DGKG: variants seen among roughly 807,000 people sequenced by gnomAD.
The protein encoded by DGKG is diacylglycerol kinase gamma.
A neutral mutation model predicts 105.3 loss-of-function variants in DGKG; 78 were observed. That is an observed-to-expected ratio of 0.74 (90% CI 0.62 to 0.89). The LOEUF (loss-of-function observed/expected upper bound fraction) is 0.89, where lower values mean the gene tolerates loss of function less well. Among genes scored for constraint, DGKG ranks in the 40% least tolerant of loss-of-function variants. The pLI is 0.00. For synonymous variants in DGKG, 346 were observed against 367.1 expected (o/e 0.94, Z 0.66); for missense variants, 958 against 1,020.1 (o/e 0.94, Z 0.83).
At position 186,268,906 on chromosome 3, in the gene DGKG, G is replaced by T. The variant is rs369331390; in HGVS notation, c.1011C>A (p.His337Gln). Reference protein sequence around the residue: ...KAKRSGEVMQHAWVEGNSSVK... With the variant: ...KAKRSGEVMQQAWVEGNSSVK... ...CGGAGGAGTTCCCTTCCACCCATGC[G>T]TGCTGCATCACCTGCGGGAGGGAAG... The change falls in exon 12 of 25, where the codon CAC (histidine) becomes CAA (glutamine). Residue 337 changes from histidine (H) to glutamine (Q), a missense_variant. Around this residue, in one of 2 missense-constraint regions of DGKG, gnomAD observed 643 missense variants for 619.5 expected, o/e 1.04. Transcript: ENST00000265022. The T allele has an allele frequency of 6.2e-7, 1 of 1,612,992 alleles. No homozygotes were observed. Among genetic ancestry groups the T allele is most frequent in the South Asian group, 1.1e-5 (1 of 91,060 alleles).
At chr3:186,228,374 A>T (rs985247083) in intron 20 of DGKG, among the ~76,000 whole-genome samples, 4 of 152,182 alleles carry the variant, frequency 2.6e-5, no homozygotes, top group East Asian at 1.9e-4. Context: ...CTAACACTTC[A>T]GCAAGGTTCA....
At chr3:186,302,527 T>C (rs1232194145) in intron 3 of DGKG, among the ~76,000 whole-genome samples, 2,130 of 99,774 alleles carry the variant, frequency 0.021, 122 homozygotes, top group African/African-American at 0.1. Context: ...TATATATATA[T>C]ATATACATAT....
rs556574601 is a variant in DGKG at position 186,215,151 on chromosome 3, C to T, written c.1827-3266G>A. Among the ~76,000 whole-genome samples, 14 of 152,322 alleles carry T rather than the reference C, an allele frequency of 9.2e-5. No homozygotes were observed. In the East Asian group the frequency reaches 1.4e-3, roughly 15 times the overall value. ...TCTGGTGGGGCGCGACGGCTCACGC[C>T]TGTCATCCCAGCGCTTTGGGAGGCA... On this transcript the variant is annotated intron_variant, in intron 20 of 24. Transcript: ENST00000265022.
intron 20 of DGKG, among the ~76,000 whole-genome samples, chr3:186,235,553 G>C (rs1246605120): frequency 6.6e-6 from 1 of 152,198 alleles, no homozygotes; most frequent in South Asian, 2.1e-4. Flanking sequence ...CTACCTCACA[G>C]GGCGCCAGGA....
At chr3:186,350,408 T>A (rs1379990334) in intron 1 of DGKG, among the ~76,000 whole-genome samples, 1 of 152,250 alleles carries the variant, frequency 6.6e-6, no homozygotes, top group Non-Finnish European at 1.5e-5. Context: ...TGTTGCAGTA[T>A]GTGTCAGAAT....
chr3:186,159,820 G>A (rs1446145911), intron 24 of DGKG: 1 of 152,208 alleles, frequency 6.6e-6, no homozygotes, highest in Admixed American at 6.5e-5. Flanking sequence ...GGGCCTTTAA[G>A]GAGGTAATAA....
intron 22 of DGKG, among the ~76,000 whole-genome samples, chr3:186,165,448 A>C (rs1237188164): frequency 6.6e-6 from 1 of 152,242 alleles, no homozygotes; most frequent in Non-Finnish European, 1.5e-5. Flanking sequence ...ATGTCTGAAT[A>C]ACATTTGGCC....
In DGKG at chr3:186,279,876, A is replaced by G; in HGVS notation, c.767T>C (p.Leu256Pro). 1 of 1,613,986 alleles carries G rather than the reference A, an allele frequency of 6.2e-7. No homozygotes were observed. The highest frequency in any genetic ancestry group is 8.5e-7 in the Non-Finnish European group (1 of 1,179,932). The change falls in exon 9 of 25, where the codon CTG (leucine) becomes CCG (proline). Residue 256 changes from leucine to proline, a missense_variant. By Grantham distance (98) the Leu-to-Pro change is moderately conservative. Around this residue, in one of 2 missense-constraint regions of DGKG, gnomAD observed 643 missense variants for 619.5 expected, o/e 1.04. Coordinates refer to ENST00000265022, the MANE Select transcript of DGKG (RefSeq NM_001346.3). ...AGAGTCATCCATCCCCAGGAGGACC[A>G]GCAATGGGATGGTGGTCATCCCTCC... ...VHGGMTTIPL[L>P]VLLGMDDSGS...
intron 22 of DGKG, among the ~76,000 whole-genome samples, chr3:186,178,368 G>T (rs1717193368): frequency 6.6e-6 from 1 of 151,910 alleles, no homozygotes; most frequent in Non-Finnish European, 1.5e-5. Flanking sequence ...TATGAATTCT[G>T]CAGGGGAACA....
chr3:186,303,440 CTTAAAGAGAGTGTG>C (rs1724072906), intron 3 of DGKG, among the ~76,000 whole-genome samples: 1 of 152,192 alleles, frequency 6.6e-6, no homozygotes, highest in South Asian at 2.1e-4. Context: ...CTGCAACACA[CTTAAAGAGAGTGTG>C]TTAATCCTTA....
At chr3:186,311,408 A>G (rs1724536735) in intron 2 of DGKG, among the ~76,000 whole-genome samples, 1 of 152,186 alleles carries the variant, frequency 6.6e-6, no homozygotes, top group South Asian at 2.1e-4. Flanking sequence ...TCTACCCAAC[A>G]GGTCAACTTG....
In DGKG at chr3:186,148,550, T is replaced by C; in HGVS notation, c.*1540A>G. ...AACCTGGATCCAAGTGGACTCACTT[T>C]TCAGTGACCAGAAATGACCCTACTC... On this transcript the variant is annotated 3_prime_UTR_variant, in exon 25 of 25. Coordinates refer to ENST00000265022, the MANE Select transcript of DGKG (RefSeq NM_001346.3). The C allele has an allele frequency of 1.0e-6, 1 of 985,444 alleles. No homozygotes were observed. Among genetic ancestry groups the C allele is most frequent in the Non-Finnish European group, 1.2e-6 (1 of 829,930 alleles). The allele number at this position is 985,444 out of a possible 1,614,324, so 61.0% of individuals were successfully genotyped here.
intron 3 of DGKG, 65 bp from the exon 4 acceptor site, chr3:186,298,294 G>A (rs1438678534): frequency 6.8e-7 from 1 of 1,468,572 alleles, no homozygotes; most frequent in Non-Finnish European, 9.1e-7. Context: ...AAGAGAGAAG[G>A]AAAAGGAATA....
rs1427759293 is a variant in DGKG, at chr3:186,288,729, C to T, written c.525G>A (p.Arg175=). Residue 175 remains arginine (R), a synonymous_variant, in exon 6 of 25, where the codon AGG becomes AGA. Coordinates refer to ENST00000265022, the MANE Select transcript of DGKG (RefSeq NM_001346.3). ...VCYLSLLETG[R]PQDKLEFMFR... The stretch of plus-strand genomic sequence containing the variant: ...ACTTACACTCCAGCTTATCCTGAGG[C>T]CTCCCCGTCTCCAGCAGGGACAGGT... 2 of 1,614,070 alleles carry T rather than the reference C, an allele frequency of 1.2e-6. No homozygotes were observed. The highest frequency in any genetic ancestry group is 2.7e-5 in the African/African-American group (2 of 74,932).
chr3:186,319,366 G>C (rs1053567920), intron 2 of DGKG, among the ~76,000 whole-genome samples: 1 of 152,190 alleles, frequency 6.6e-6, no homozygotes, highest in Non-Finnish European at 1.5e-5. Context: ...ACAGCATAGA[G>C]AGCAAGAGGC....
At chr3:186,218,661 T>C (rs1392077684) in intron 20 of DGKG, among the ~76,000 whole-genome samples, 2 of 152,138 alleles carry the variant, frequency 1.3e-5, no homozygotes, top group Non-Finnish European at 1.5e-5. Context: ...GGCCCAAGTA[T>C]TGTCAGAACT....
intron 1 of DGKG, among the ~76,000 whole-genome samples, chr3:186,350,141 C>T (rs879743055): frequency 9.9e-5 from 15 of 152,108 alleles, no homozygotes; most frequent in Non-Finnish European, 2.1e-4. Flanking sequence ...CCATCTGCAT[C>T]GGCCTCCAAA....
chr3:186,172,618 T>A (rs1279565807), intron 22 of DGKG, among the ~76,000 whole-genome samples: 1 of 152,248 alleles, frequency 6.6e-6, no homozygotes, highest in Non-Finnish European at 1.5e-5. Context: ...AGTTAGCCAA[T>A]GCTCATGTTG....
intron 1 of DGKG, among the ~76,000 whole-genome samples, chr3:186,359,351 A>G (rs1032989641): frequency 6.6e-6 from 1 of 152,206 alleles, no homozygotes; most frequent in African/African-American, 2.4e-5. Flanking sequence ...TGTAGTTGCT[A>G]AAGACAGGAA....
Sources: gnomAD v4.1 joint callset for allele counts (sites outside exome capture counted in the v4.1 genomes callset) on GRCh38, gnomAD v4.1.1 for gene constraint, gnomAD v4.1.1 regional missense constraint, MANE v1.5 for transcripts, NCBI Gene and HGNC (gene_info 2026-07-23, HGNC 2026-07-21) for gene names.